The following SNX29 variants were observed in gnomAD, a reference collection of about 807,000 sequenced individuals.
SNX29 encodes sorting nexin 29.
SNX29 carries 78 observed loss-of-function variants against 102.1 expected under a neutral mutation model. That is an observed-to-expected ratio of 0.76 (90% confidence interval 0.64 to 0.92). The LOEUF (loss-of-function observed/expected upper bound fraction) is 0.92, where lower values mean the gene tolerates loss of function less well. SNX29 is among the 40% of genes least tolerant of loss of function. The pLI, the probability that SNX29 is intolerant of heterozygous loss-of-function variation, is 0.00. For missense variants in SNX29, 1,280 were observed against 1,061.7 expected, an observed-to-expected ratio of 1.21 and a Z score of -2.86; for synonymous variants, 580 against 414.5, an observed-to-expected ratio of 1.40 and a Z score of -4.85.
intron 13 of SNX29, among the ~76,000 whole-genome samples, chr16:12,159,183 G>T (rs182530371): frequency 8.5e-5 from 13 of 152,338 alleles, no homozygotes; most frequent in African/African-American, 1.2e-4. Flanking sequence ...TGGCACCCCT[G>T]CAGATGTATG....
At chr16:12,333,673 T>C (rs1335085330) in intron 15 of SNX29, among the ~76,000 whole-genome samples, 1 of 152,084 alleles carries the variant, frequency 6.6e-6, no homozygotes. Context: ...GTCCGGACTC[T>C]CTAATCTTTT....
intron 16 of SNX29, among the ~76,000 whole-genome samples, chr16:12,361,795 G>A (rs1210856533): frequency 6.6e-6 from 1 of 151,702 alleles, no homozygotes; most frequent in Non-Finnish European, 1.5e-5. Flanking sequence ...ACAAACCTTA[G>A]CATCCCCATG....
At chr16:12,462,505 C>A (rs1244522941) in intron 18 of SNX29, among the ~76,000 whole-genome samples, 1 of 152,016 alleles carries the variant, frequency 6.6e-6, no homozygotes. Flanking sequence ...AGAAGATAAA[C>A]AAAATAAAAA....
chr16:12,383,274 C>T (rs537926775), intron 16 of SNX29, among the ~76,000 whole-genome samples: 60 of 152,044 alleles, frequency 3.9e-4, no homozygotes, highest in Admixed American at 3.9e-4. Flanking sequence ...GATTATTGTC[C>T]TGTTGCCAAG....
At chr16:12,029,869 G>T in intron 4 of SNX29, 1 of 332,540 alleles carries the variant, frequency 3.0e-6, no homozygotes, top group South Asian at 2.4e-5. Flanking sequence ...TGGGATTACA[G>T]GCATGAGCCA....
At chr16:12,554,774 G>A (rs11641620) in intron 20 of SNX29, among the ~76,000 whole-genome samples, 208 of 148,136 alleles carry the variant, frequency 1.4e-3, no homozygotes, top group Non-Finnish European at 2.2e-3. Context: ...TCTCTCCCCC[G>A]CCATAGAATG....
intron 20 of SNX29, among the ~76,000 whole-genome samples, chr16:12,555,168 C>T (rs750026925): frequency 6.6e-6 from 1 of 151,852 alleles, no homozygotes; most frequent in African/African-American, 2.4e-5. Flanking sequence ...GGTCTGGCAT[C>T]AGTGGGGTTA....
chr16:12,573,558 C>A lies in SNX29; in HGVS notation c.*4929C>A, dbSNP rs145535207. 3 of 223,094 alleles carry A rather than the reference C, an allele frequency of 1.3e-5. No homozygotes were observed. Among genetic ancestry groups the A allele is most frequent in the Non-Finnish European group, 2.7e-5 (3 of 111,746 alleles). The allele number at this position is 223,094 out of a possible 1,614,324, so 13.8% of individuals were successfully genotyped here. A position where few individuals can be genotyped will look rare whatever the true frequency, so the allele number is the denominator to read the frequency against. On this transcript the variant is annotated 3_prime_UTR_variant, in exon 21 of 21. Coordinates refer to ENST00000566228, the MANE Select transcript of SNX29 (RefSeq NM_032167.5). Reference sequence around the variant, plus strand: ...TGCGTAAGTGTTTTCCCATCCTAACCGGAAAACCACTCACCCAGGCTTCCC... The same window carrying A: ...TGCGTAAGTGTTTTCCCATCCTAACAGGAAAACCACTCACCCAGGCTTCCC...
At chr16:12,217,381 A>G (rs1388576114) in intron 14 of SNX29, among the ~76,000 whole-genome samples, 1 of 152,190 alleles carries the variant, frequency 6.6e-6, no homozygotes, top group East Asian at 1.9e-4. Context: ...TTGATGAGCC[A>G]TCTGGGAGGA....
chr16:12,070,183 CT>C (rs887058277), intron 10 of SNX29, among the ~76,000 whole-genome samples: 3 of 150,580 alleles, frequency 2.0e-5, no homozygotes, highest in African/African-American at 7.3e-5. Flanking sequence ...TTGTTGGATG[CT>C]TTTTTTTTAT....
intron 20 of SNX29, among the ~76,000 whole-genome samples, chr16:12,538,200 C>T (rs1473427124): frequency 6.6e-6 from 1 of 152,084 alleles, no homozygotes; most frequent in East Asian, 1.9e-4. Flanking sequence ...ACCGCAAGCT[C>T]TGTGTTCTGG....
intron 18 of SNX29, among the ~76,000 whole-genome samples, chr16:12,444,864 G>C (rs1272358463): frequency 8.0e-6 from 1 of 125,696 alleles, no homozygotes; most frequent in Non-Finnish European, 1.6e-5. Flanking sequence ...TTTTGAGACA[G>C]AGTCTCACTC....
intron 15 of SNX29, among the ~76,000 whole-genome samples, chr16:12,320,268 C>T (rs2080887548): frequency 6.6e-6 from 1 of 152,046 alleles, no homozygotes; most frequent in African/African-American, 2.4e-5. Context: ...GCATAGCAGG[C>T]AGAGAGGGCA....
At chr16:12,275,149 G>A (rs1030686431) in intron 14 of SNX29, among the ~76,000 whole-genome samples, 7 of 152,146 alleles carry the variant, frequency 4.6e-5, no homozygotes, top group Admixed American at 2.0e-4. Context: ...TTGACTTTGG[G>A]CCTCTTGGGG....
chr16:12,367,027 A>C (rs2082511672), intron 16 of SNX29: 1 of 152,172 alleles, frequency 6.6e-6, no homozygotes, highest in Non-Finnish European at 1.5e-5. Context: ...GAAAAACTAC[A>C]AAGCCTTTCC....
Position 12,069,082 on chromosome 16 carries a change from C to G in SNX29, c.1269C>G (p.Asn423Lys), listed in dbSNP as rs373111227. 1.5e-5 allele frequency: 24 copies of G among 1,613,844 alleles called. No individual in the cohort carries two copies. Among genetic ancestry groups the G allele is most frequent in the Non-Finnish European group, 1.9e-5 (23 of 1,179,796 alleles). The stretch of plus-strand genomic sequence containing the variant: ...ATGCCCCCCTCGGAAGCCTGGAGAA[C>G]GGGACAGGACCAGAGGACCACGTTC... ...PADAPLGSLE[N>K]GTGPEDHVLP... is the part of the protein sequence containing the mutation. Residue 423 changes from asparagine (N) to lysine (K), a missense_variant, in exon 10 of 21, where the codon AAC (asparagine) becomes AAG (lysine). Physicochemically the swap from Asn to Lys is moderately conservative, Grantham distance 94. Coordinates refer to ENST00000566228, the MANE Select transcript of SNX29 (RefSeq NM_032167.5).
chr16:12,229,413 G>A (rs1310648016), intron 14 of SNX29, among the ~76,000 whole-genome samples: 1 of 152,186 alleles, frequency 6.6e-6, no homozygotes, highest in African/African-American at 2.4e-5. Flanking sequence ...CGTGTATGCG[G>A]CTAAGCGAAG....
chr16:12,068,050 C>T (rs2051117687), intron 9 of SNX29, among the ~76,000 whole-genome samples: 1 of 152,132 alleles, frequency 6.6e-6, no homozygotes, highest in African/African-American at 2.4e-5. Flanking sequence ...GACCATGCTG[C>T]CCTCTACTGT....
At chr16:12,478,858 T>G (rs2087777150) in intron 19 of SNX29, among the ~76,000 whole-genome samples, 1 of 152,142 alleles carries the variant, frequency 6.6e-6, no homozygotes, top group Non-Finnish European at 1.5e-5. Context: ...TCTAAGTGAT[T>G]GCACTCTGCG....
Sources: allele counts gnomAD v4.1 joint callset (sites outside exome capture counted in the v4.1 genomes callset), GRCh38; gene constraint gnomAD v4.1.1; transcripts MANE v1.5; gene names NCBI Gene and HGNC (gene_info 2026-07-23, HGNC 2026-07-21).